Variants in MMP26 observed in about 807,000 individuals in gnomAD.
MMP26 encodes matrix metallopeptidase 26.
MMP26 carries 33 observed loss-of-function variants against 31.0 expected under a neutral mutation model. That is an observed-to-expected ratio of 1.06 (90% CI 0.81 to 1.42). MMP26 has a LOEUF of 1.42. Ranked by LOEUF, MMP26 falls within the 40% of genes most tolerant of loss-of-function variation. MMP26 has a pLI of 0.00. For missense variants in MMP26, 347 were observed against 316.1 expected (o/e 1.10, Z -0.74); for synonymous variants, 122 against 114.9 (o/e 1.06, Z -0.40).
chr11:4,752,557 T>A (rs1469319261), intron 1 of MMP26: 1 of 152,234 alleles, frequency 6.6e-6, no homozygotes, highest in Non-Finnish European at 1.5e-5. Flanking sequence ...ATCTGTGCTA[T>A]TCTTGCATGA....
At chr11:4,931,639 A>G (rs1415979394) in intron 2 of MMP26, among the ~76,000 whole-genome samples, 1 of 151,936 alleles carries the variant, frequency 6.6e-6, no homozygotes, top group East Asian at 1.9e-4. Context: ...TTAAAATAAG[A>G]ATATAGGTTG....
intron 2 of MMP26, among the ~76,000 whole-genome samples, chr11:4,870,919 GGTAA>G (rs1405035818): frequency 6.6e-6 from 1 of 151,886 alleles, no homozygotes; most frequent in Non-Finnish European, 1.5e-5. Context: ...TGATGATATC[GGTAA>G]GTGAGAGAGT....
chr11:4,709,002 A>G (rs1847821588), intron 1 of MMP26, among the ~76,000 whole-genome samples: 1 of 151,982 alleles, frequency 6.6e-6, no homozygotes, highest in Non-Finnish European at 1.5e-5. Flanking sequence ...AGTTTTATTT[A>G]TTTATTTTTT....
intron 2 of MMP26, among the ~76,000 whole-genome samples, chr11:4,845,280 A>G (rs902844052): frequency 6.6e-6 from 1 of 152,188 alleles, no homozygotes; most frequent in Non-Finnish European, 1.5e-5. Flanking sequence ...ATTGAAAAGT[A>G]TTCTAAGTTC....
chr11:4,879,278 C>A (rs1398949210), intron 2 of MMP26, among the ~76,000 whole-genome samples: 1 of 151,944 alleles, frequency 6.6e-6, no homozygotes, highest in Non-Finnish European at 1.5e-5. Flanking sequence ...TAGATATAAT[C>A]AGGATTATTA....
At position 4,991,953 on chromosome 11, in the gene MMP26, T is replaced by A; in HGVS notation, c.596-11T>A. ...GTTAATTTTATCTTTTTTTTTTCTA[T>A]AATTTTTCAGGATATAATCTGTTCC... is the stretch of plus-strand genomic sequence containing the variant. On this transcript the variant is annotated splice_polypyrimidine_tract_variant and intron_variant, in intron 6 of 7. Transcript: ENST00000380390. 6.4e-7 allele frequency: 1 copy of A among 1,573,560 alleles called. No individual in the cohort carries two copies. The highest frequency in any genetic ancestry group is 8.6e-7 in the Non-Finnish European group (1 of 1,166,570).
chr11:4,774,456 C>T (rs888520821), intron 2 of MMP26, among the ~76,000 whole-genome samples: 2 of 151,986 alleles, frequency 1.3e-5, no homozygotes, highest in African/African-American at 4.8e-5. Flanking sequence ...TGCCCTTTGC[C>T]CACTTTTTAA....
intron 2 of MMP26, chr11:4,832,846 T>C (rs534740300): frequency 2.5e-4 from 47 of 184,758 alleles, no homozygotes; most frequent in African/African-American, 9.1e-4. Flanking sequence ...CTCGAAGCTC[T>C]TGACACCTGT....
At chr11:4,763,043 A>T (rs1848587023) in intron 1 of MMP26, among the ~76,000 whole-genome samples, 1 of 152,222 alleles carries the variant, frequency 6.6e-6, no homozygotes, top group African/African-American at 2.4e-5. Flanking sequence ...CCTATATTAA[A>T]CAATATTATA....
At chr11:4,772,987 A>T (rs540098561) in intron 2 of MMP26, among the ~76,000 whole-genome samples, 1 of 152,216 alleles carries the variant, frequency 6.6e-6, no homozygotes, top group Non-Finnish European at 1.5e-5. Context: ...CATTCCCATC[A>T]ACTGTTTTGA....
intron 2 of MMP26, among the ~76,000 whole-genome samples, chr11:4,863,280 CTTCT>C (rs1367562031): frequency 6.6e-6 from 1 of 151,816 alleles, no homozygotes; most frequent in African/African-American, 2.4e-5. Context: ...TTCTTTTAAT[CTTCT>C]TTAATTTTCA....
chr11:4,848,222 G>A (rs376522520), intron 2 of MMP26: 18 of 1,582,870 alleles, frequency 1.1e-5, no homozygotes, highest in African/African-American at 9.4e-5. Flanking sequence ...CACCAAACAC[G>A]GAGGGACATC....
At chr11:4,843,860 A>G (rs907217439) in intron 2 of MMP26, among the ~76,000 whole-genome samples, 23 of 152,240 alleles carry the variant, frequency 1.5e-4, no homozygotes, top group African/African-American at 5.5e-4. Context: ...AGTTTCAGAT[A>G]TAAGCTCTTT....
intron 2 of MMP26, among the ~76,000 whole-genome samples, chr11:4,964,711 A>G (rs755048449): frequency 2.0e-5 from 3 of 152,212 alleles, no homozygotes; most frequent in African/African-American, 7.2e-5. Context: ...ACTGTGGTAC[A>G]TACACACCAT....
intron 2 of MMP26, among the ~76,000 whole-genome samples, chr11:4,936,515 A>C (rs1846114865): frequency 6.6e-6 from 1 of 152,158 alleles, no homozygotes; most frequent in Admixed American, 6.6e-5. Flanking sequence ...GGAAATGGTC[A>C]GGGAAGGCTT....
chr11:4,864,355 A>C (rs376988890), intron 2 of MMP26, among the ~76,000 whole-genome samples: 83 of 152,296 alleles, frequency 5.4e-4, no homozygotes, highest in African/African-American at 1.9e-3. Flanking sequence ...GTCAGGCCTT[A>C]AACTGTTCAC....
intron 2 of MMP26, among the ~76,000 whole-genome samples, chr11:4,856,027 G>A (rs981404761): frequency 7.2e-5 from 11 of 152,172 alleles, no homozygotes; most frequent in African/African-American, 2.4e-4. Flanking sequence ...AATGCTGAGA[G>A]ATTTTGTCAC....
intron 2 of MMP26, among the ~76,000 whole-genome samples, chr11:4,896,562 G>A (rs1033442050): frequency 3.3e-5 from 5 of 152,178 alleles, no homozygotes; most frequent in Admixed American, 6.5e-5. Context: ...AGTCTACTTA[G>A]AGATTAGGAA....
chr11:4,888,903 A>G (rs979790775), intron 2 of MMP26, among the ~76,000 whole-genome samples: 1 of 152,204 alleles, frequency 6.6e-6, no homozygotes, highest in African/African-American at 2.4e-5. Flanking sequence ...GAAAGAAACC[A>G]GCAACTGGAT....
Sources: gnomAD v4.1 joint callset for allele counts (sites outside exome capture counted in the v4.1 genomes callset) on GRCh38, gnomAD v4.1.1 for gene constraint, MANE v1.5 for transcripts, NCBI Gene and HGNC (gene_info 2026-07-23, HGNC 2026-07-21) for gene names.